The following GABBR2 variants were observed in gnomAD, a reference collection of about 807,000 sequenced individuals.
GABBR2 encodes the protein gamma-aminobutyric acid type B receptor subunit 2, also known as G-protein coupled receptor 51.
In GABBR2, 23 loss-of-function variants were observed where a neutral mutation model predicts 105.6. That is an observed-to-expected ratio of 0.22 (90% CI 0.16 to 0.31). GABBR2 has a LOEUF of 0.31. Ranked by LOEUF, GABBR2 falls within the 10% of genes least tolerant of loss-of-function variation. GABBR2 has a pLI of 1.00. For synonymous variants in GABBR2, 478 were observed against 499.7 expected (o/e 0.96, Z 0.58); for missense variants, 734 against 1,245.5 (o/e 0.59, Z 6.18).
chr9:98,525,232 G>C (rs930608466), intron 3 of GABBR2, among the ~76,000 whole-genome samples: 11 of 152,160 alleles, frequency 7.2e-5, no homozygotes, highest in African/African-American at 2.7e-4. Flanking sequence ...CCCTTAGAAT[G>C]GGAGAAAATA....
At chr9:98,473,012 A>T in intron 6 of GABBR2, 134 bp downstream of exon 6, 1 of 681,206 alleles carries the variant, frequency 1.5e-6, no homozygotes, top group South Asian at 1.8e-5. Context: ...TTACAGGTAC[A>T]AGAGGCTCAG....
chr9:98,471,234 G>A (rs1826668514), intron 6 of GABBR2, among the ~76,000 whole-genome samples: 2 of 152,150 alleles, frequency 1.3e-5, no homozygotes, highest in Admixed American at 1.3e-4. Context: ...AGACCATGCG[G>A]ACAGGGATTG....
intron 13 of GABBR2, among the ~76,000 whole-genome samples, chr9:98,354,958 C>A (rs537953587): frequency 2.8e-4 from 42 of 152,278 alleles, no homozygotes; most frequent in African/African-American, 8.9e-4. Flanking sequence ...TAAGCTTAAT[C>A]ATTTCAAGAT....
chr9:98,691,473 T>TC (rs1264000478), intron 1 of GABBR2, among the ~76,000 whole-genome samples: 1 of 152,216 alleles, frequency 6.6e-6, no homozygotes, highest in Non-Finnish European at 1.5e-5. Flanking sequence ...TGCCCAGCTC[T>TC]CCGTTGACTG....
intron 1 of GABBR2, among the ~76,000 whole-genome samples, chr9:98,621,586 G>T (rs1413050867): frequency 6.6e-6 from 1 of 152,202 alleles, no homozygotes; most frequent in Non-Finnish European, 1.5e-5. Context: ...CAGACTCTGT[G>T]GGCCTACTAA....
At chr9:98,450,910 T>G (rs1826218561) in intron 7 of GABBR2, among the ~76,000 whole-genome samples, 1 of 152,212 alleles carries the variant, frequency 6.6e-6, no homozygotes, top group African/African-American at 2.4e-5. Context: ...AACTAAGATC[T>G]ATCAGGCACC....
At chr9:98,702,517 C>T (rs950573843) in intron 1 of GABBR2, among the ~76,000 whole-genome samples, 1 of 152,206 alleles carries the variant, frequency 6.6e-6, no homozygotes, top group Non-Finnish European at 1.5e-5. Context: ...TCAAAGACAT[C>T]GCACGGCTCC....
chr9:98,402,833 G>A (rs943136225), intron 8 of GABBR2, among the ~76,000 whole-genome samples: 1 of 152,154 alleles, frequency 6.6e-6, no homozygotes, highest in Non-Finnish European at 1.5e-5. Context: ...AGCTTGGACG[G>A]CCTATTCAAT....
rs757999651 is a variant in GABBR2 at position 98,454,023 on chromosome 9, G to A, written c.1194C>T (p.Ile398=). 4.3e-6 allele frequency: 7 copies of A among 1,614,194 alleles called. No individual in the cohort carries two copies. Among genetic ancestry groups the A allele is most frequent in the Non-Finnish European group, 5.9e-6 (7 of 1,179,986 alleles). ...TGGTCTCGTTCATGGCATTGAGGAT[G>A]ATCCTGCCCAGCGTGTGGTCCGTGT... The part of the protein sequence containing the change: ...FNYTDHTLGR[I]ILNAMNETNF... The change falls in exon 7 of 19, where the codon ATC becomes ATT. Residue 398 remains isoleucine (I), a synonymous_variant. Coordinates refer to ENST00000259455, the MANE Select transcript of GABBR2 (RefSeq NM_005458.8). This position sits in a 1 kb window ranked among gnomAD's most constrained non-coding sequence, Gnocchi z 4.6.
chr9:98,584,784 A>G (rs1324160888), intron 1 of GABBR2, among the ~76,000 whole-genome samples: 1 of 152,222 alleles, frequency 6.6e-6, no homozygotes, highest in African/African-American at 2.4e-5. Context: ...AAGAGAATTT[A>G]AAAGCTAATG....
intron 13 of GABBR2, among the ~76,000 whole-genome samples, chr9:98,315,894 C>T (rs1830707523): frequency 6.6e-6 from 1 of 152,238 alleles, no homozygotes; most frequent in Admixed American, 6.5e-5. Context: ...TTTCCAAGCA[C>T]CATGGGGGAC....
chr9:98,642,789 A>G (rs1208748507), intron 1 of GABBR2, among the ~76,000 whole-genome samples: 2 of 152,172 alleles, frequency 1.3e-5, no homozygotes, highest in African/African-American at 4.8e-5. Flanking sequence ...ACATTATGAA[A>G]TGCACATCTT....
rs546096992 is a variant in GABBR2 at position 98,494,623 on chromosome 9, G to A, written c.732+1790C>T. ...GTAGTTGCTAACCTCTTTGAGTCTC[G>A]AGTCCACATCTGTGAAACAGGGATA... On this transcript the variant is annotated intron_variant, in intron 4 of 18. Coordinates refer to ENST00000259455, the MANE Select transcript of GABBR2 (RefSeq NM_005458.8). Among the ~76,000 whole-genome samples the A allele has an allele frequency of 3.9e-5, 6 of 152,216 alleles. No homozygotes were observed. The South Asian group carries it at 8.3e-4, about 21-fold the overall frequency.
intron 5 of GABBR2, among the ~76,000 whole-genome samples, chr9:98,478,195 A>C (rs1271332909): frequency 1.3e-5 from 2 of 152,196 alleles, no homozygotes; most frequent in African/African-American, 4.8e-5. Flanking sequence ...CACGCTGTAA[A>C]GTTTCCAGGG....
intron 8 of GABBR2, among the ~76,000 whole-genome samples, chr9:98,398,180 G>C (rs1832327745): frequency 6.6e-6 from 1 of 152,076 alleles, no homozygotes; most frequent in African/African-American, 2.4e-5. Context: ...CCAAATTGGG[G>C]GAGCCAGAAT....
At chr9:98,338,589 C>G (rs879262021) in intron 13 of GABBR2, among the ~76,000 whole-genome samples, 4 of 152,292 alleles carry the variant, frequency 2.6e-5, no homozygotes, top group Non-Finnish European at 5.9e-5. Flanking sequence ...AACCTTTATA[C>G]TCACTAAGAT....
chr9:98,514,170 C>T lies in GABBR2; in HGVS notation c.631-17656G>A, dbSNP rs1246174950. 1.1e-4 allele frequency among the ~76,000 whole-genome samples: 14 copies of T among 130,176 alleles called. 1 individual carries two copies. The East Asian group carries it at 1.8e-3, about 17-fold the overall frequency. The allele number at this position is 130,176 out of a possible 152,430, so 85.4% of individuals were successfully genotyped here. On this transcript the variant is annotated intron_variant, in intron 3 of 18. Transcript: ENST00000259455. The stretch of plus-strand genomic sequence containing the variant: ...ATCGCAAGAACAAAAAACCAAACAC[C>T]GCATATTCTCACTCATAGGTGGGAA...
chr9:98,425,730 C>T (rs1249816977), intron 7 of GABBR2, among the ~76,000 whole-genome samples: 1 of 152,188 alleles, frequency 6.6e-6, no homozygotes, highest in African/African-American at 2.4e-5. Context: ...ACAGCTATGA[C>T]TTTGAGTGGC....
chr9:98,695,799 G>A (rs565644855), intron 1 of GABBR2, among the ~76,000 whole-genome samples: 23 of 152,278 alleles, frequency 1.5e-4, no homozygotes, highest in Non-Finnish European at 3.4e-4. Context: ...TGCACACACA[G>A]GTTGACCGAT....
Sources: allele counts gnomAD v4.1 joint callset (sites outside exome capture counted in the v4.1 genomes callset), GRCh38; gene constraint gnomAD v4.1.1; non-coding constraint Gnocchi (gnomAD v3.1); transcripts MANE v1.5; gene names NCBI Gene and HGNC (gene_info 2026-07-23, HGNC 2026-07-21).